Variants in TBC1D1 observed in about 807,000 individuals in gnomAD.
TBC1D1 encodes the protein TBC1 (tre-2/USP6, BUB2, cdc16) domain family, member 1.
A neutral mutation model predicts 125.6 loss-of-function variants in TBC1D1; 89 were observed. The observed-to-expected ratio is 0.71, with a 90% confidence interval of 0.60 to 0.85. The LOEUF is 0.85. Ranked by LOEUF, TBC1D1 falls within the 40% of genes least tolerant of loss-of-function variation. The pLI is 0.00. For missense variants in TBC1D1, 1,377 were observed against 1,469.2 expected, an observed-to-expected ratio of 0.94 and a Z score of 1.03; for synonymous variants, 565 against 564.1, an observed-to-expected ratio of 1.00 and a Z score of -0.02.
intron 14 of TBC1D1, among the ~76,000 whole-genome samples, chr4:38,096,638 G>T (rs1241477829): frequency 6.6e-6 from 1 of 152,212 alleles, no homozygotes; most frequent in Admixed American, 6.5e-5. Flanking sequence ...TTAGAGAGCG[G>T]GCAGGATTCA....
At chr4:37,927,851 T>C (rs928508915) in intron 2 of TBC1D1, among the ~76,000 whole-genome samples, 6 of 152,088 alleles carry the variant, frequency 3.9e-5, no homozygotes, top group Non-Finnish European at 5.9e-5. Context: ...GTGCTACAGT[T>C]AGTTGTGCCT....
chr4:37,934,335 C>T (rs187542628), intron 2 of TBC1D1, among the ~76,000 whole-genome samples: 17 of 152,218 alleles, frequency 1.1e-4, no homozygotes, highest in African/African-American at 3.9e-4. Flanking sequence ...TACCCAGGCA[C>T]GTGGACATCA....
intron 6 of TBC1D1, among the ~76,000 whole-genome samples, chr4:38,026,548 G>T (rs1458906371): frequency 6.6e-6 from 1 of 152,272 alleles, no homozygotes; most frequent in Non-Finnish European, 1.5e-5. Flanking sequence ...CCTTGGCCAA[G>T]CCTCTGCCTC....
chr4:38,000,474 G>A (rs1738822410), intron 2 of TBC1D1, among the ~76,000 whole-genome samples: 1 of 152,156 alleles, frequency 6.6e-6, no homozygotes, highest in African/African-American at 2.4e-5. Context: ...AATCCAAAAT[G>A]CTCTGATGAG....
Position 38,090,022 on chromosome 4 carries a change from A to C in TBC1D1, c.2141A>C (p.Lys714Thr). 6.2e-7 allele frequency: 1 copy of C among 1,614,190 alleles called. No individual in the cohort carries two copies. Among genetic ancestry groups the C allele is most frequent in the Non-Finnish European group, 8.5e-7 (1 of 1,180,018 alleles). Residue 714 changes from lysine to threonine, a missense_variant, in exon 13 of 20, where the codon AAA becomes ACA. Physicochemically the swap from Lys to Thr is moderately conservative, Grantham distance 78. Transcript: ENST00000261439. ...TTTGGCCCCCCACCAGAGGAAAAGA[A>C]AAGGACATCTCGTGAGCTCCGAGAG...
rs78760445 is a variant in TBC1D1, at chr4:38,047,084, A to T, written c.1629+1181A>T. Among the ~76,000 whole-genome samples the T allele has an allele frequency of 9.0e-3, 1,371 of 152,298 alleles. 21 individuals are homozygous for T. The highest frequency in any genetic ancestry group is 0.031 in the African/African-American group (1,305 of 41,538). On this transcript the variant is annotated intron_variant, in intron 10 of 19. Transcript: ENST00000261439. ...CACAAAATTAAAAGTTCACAAAACA[A>T]TATTTACTGTGAACAACATACAATA... is the stretch of plus-strand genomic sequence containing the variant.
At position 38,005,846 on chromosome 4, in the gene TBC1D1, G is replaced by T. The variant is rs372149765; in HGVS notation, c.418-8663G>T. ...GCAACTCCAGTCCCACTGCTGCCAT[G>T]CCAGGGGACTGACATGGAGAAGACA... On this transcript the variant is annotated intron_variant, in intron 2 of 19. Transcript: ENST00000261439. Among the ~76,000 whole-genome samples the T allele has an allele frequency of 6.6e-5, 10 of 152,296 alleles. 1 individual carries two copies. The South Asian group carries it at 2.1e-3, about 32-fold the overall frequency.
chr4:38,062,043 G>T (rs1752863704), intron 12 of TBC1D1, among the ~76,000 whole-genome samples: 1 of 152,152 alleles, frequency 6.6e-6, no homozygotes, highest in South Asian at 2.1e-4. Flanking sequence ...GGCCAGACAT[G>T]CCTTCCTGGC....
At chr4:38,019,381 C>G (rs1233508001) in intron 4 of TBC1D1, among the ~76,000 whole-genome samples, 1 of 152,104 alleles carries the variant, frequency 6.6e-6, no homozygotes, top group Non-Finnish European at 1.5e-5. Context: ...TAGCCTTATG[C>G]TTAACTTGCT....
chr4:37,990,582 C>T (rs538348331), intron 2 of TBC1D1, among the ~76,000 whole-genome samples: 3 of 152,140 alleles, frequency 2.0e-5, no homozygotes, highest in Non-Finnish European at 2.9e-5. Context: ...AGCCTTCTTA[C>T]GGTTCCAGAA....
chr4:38,124,915 T>G, intron 17 of TBC1D1, 47 bp from the exon 20 acceptor site: 35 of 1,563,012 alleles, frequency 2.2e-5, no homozygotes, highest in Non-Finnish European at 2.9e-5. Context: ...TGGTATTGCG[T>G]GAGAAACTGG....
intron 18 of TBC1D1, among the ~76,000 whole-genome samples, chr4:38,126,036 A>G (rs1039340172): frequency 1.3e-5 from 2 of 152,214 alleles, no homozygotes; most frequent in African/African-American, 4.8e-5. Flanking sequence ...AGGTGATTTC[A>G]TCATTGTGCA....
At chr4:37,947,774 T>G (rs539216047) in intron 2 of TBC1D1, among the ~76,000 whole-genome samples, 3 of 152,034 alleles carry the variant, frequency 2.0e-5, no homozygotes, top group Non-Finnish European at 4.4e-5. Flanking sequence ...GAGGGAAGGA[T>G]GGATTACAAA....
At chr4:38,048,832 T>C (rs1749952285) in intron 10 of TBC1D1, among the ~76,000 whole-genome samples, 1 of 152,204 alleles carries the variant, frequency 6.6e-6, no homozygotes, top group Admixed American at 6.5e-5. Flanking sequence ...GTTCATTCCT[T>C]TGAAAAAGCG....
At position 38,115,920 on chromosome 4, in the gene TBC1D1, G is replaced by A. The variant is rs765507688; in HGVS notation, c.2768G>A (p.Arg923Gln). 29 of 1,614,164 alleles carry A rather than the reference G, an allele frequency of 1.8e-5. No homozygotes were observed. The South Asian group carries it at 2.2e-4, about 12-fold the overall frequency. ...TTTCTGATGTTTGACATGGGGCTGC[G>A]GAAACAGTATCGGCCAGACATGATT... Residue 923 changes from arginine to glutamine, a missense_variant, in exon 16 of 20, where the codon CGG becomes CAG. Transcript: ENST00000261439.
chr4:38,101,877 G>A (rs530195777), intron 14 of TBC1D1, among the ~76,000 whole-genome samples: 6 of 152,030 alleles, frequency 3.9e-5, no homozygotes, highest in African/African-American at 7.2e-5. Context: ...ATCACTCTCG[G>A]TTCCCTCTCT....
intron 2 of TBC1D1, chr4:37,996,247 C>T (rs780805692): frequency 5.9e-5 from 16 of 272,930 alleles, no homozygotes; most frequent in Non-Finnish European, 1.1e-4. Flanking sequence ...TGGCCAGTCG[C>T]CCGGGCTTTC....
chr4:37,909,182 T>C (rs1193241767), intron 2 of TBC1D1, among the ~76,000 whole-genome samples: 1 of 152,192 alleles, frequency 6.6e-6, no homozygotes, highest in African/African-American at 2.4e-5. Flanking sequence ...CATAGGACCT[T>C]GTGCCTCCTC....
rs1001307168 is a variant in TBC1D1, at chr4:38,071,942, G to A, written c.2050+17604G>A. ...ACTGTATTTAGGAATAGTGTCTAGG[G>A]TCAGCACCTGGTGTTGGCCGACTGC... On this transcript the variant is annotated intron_variant, in intron 12 of 19. Transcript: ENST00000261439. 3.9e-5 allele frequency among the ~76,000 whole-genome samples: 6 copies of A among 152,304 alleles called. No homozygotes were observed. The East Asian group carries it at 1.2e-3, about 29-fold the overall frequency.
Sources: allele counts gnomAD v4.1 joint callset (sites outside exome capture counted in the v4.1 genomes callset), GRCh38; gene constraint gnomAD v4.1.1; transcripts MANE v1.5; gene names NCBI Gene and HGNC (gene_info 2026-07-23, HGNC 2026-07-21).